The following PKDREJ variants were observed in gnomAD, a reference collection of about 807,000 sequenced individuals.
PKDREJ encodes the protein PKD and REJ homolog.
For synonymous variants in PKDREJ, 1,031 were observed against 1,095.5 expected, an observed-to-expected ratio of 0.94 and a Z score of 1.16; for missense variants, 2,507 against 2,807.2, an observed-to-expected ratio of 0.89 and a Z score of 2.42.
rs1936678629 is a variant in PKDREJ, at chr22:46,260,075, G to A, written c.3248C>T (p.Ala1083Val). 11 of 1,613,978 alleles carry A rather than the reference G, an allele frequency of 6.8e-6. No homozygotes were observed. Among genetic ancestry groups the A allele is most frequent in the Non-Finnish European group, 9.3e-6 (11 of 1,179,980 alleles). ...ATTGAGCTTCATGACAAAACGAGGT[G>A]CCTGCAGAACTATGGATACAGTACA... ...PHCTVSIVLQ[A>V]PRFVMKLNDK... The change falls in exon 1 of 1, where the codon GCA (alanine) becomes GTA (valine). Residue 1083 changes from alanine to valine, a missense_variant. Ala to Val is a moderately conservative substitution (Grantham distance 64, BLOSUM62 0). Transcript: ENST00000253255. This position sits in a 1 kb window ranked among gnomAD's most constrained non-coding sequence, Gnocchi z 4.5.
chr22:46,262,593 A>G lies in PKDREJ; in HGVS notation c.730T>C (p.Ser244Pro). The G allele has an allele frequency of 2.5e-6, 4 of 1,611,440 alleles. No individual in the cohort carries two copies. The highest frequency in any genetic ancestry group is 3.4e-6 in the Non-Finnish European group (4 of 1,179,172). ...GCGGCCGGGCAGTCCAGCTGCACCG[A>G]GGCGTTGATGGTGGCCTCCGCCTGC... ...SMQAEATINASVQLDCPAARA... is the reference protein window; with the variant it reads ...SMQAEATINAPVQLDCPAARA... Residue 244 changes from serine to proline, a missense_variant, in exon 1 of 1, where the codon TCG becomes CCG. Ser to Pro is a moderately conservative substitution (Grantham distance 74). Transcript: ENST00000253255. This position sits in a 1 kb window ranked among gnomAD's most constrained non-coding sequence, Gnocchi z 8.1.
rs1229355986 is a variant in PKDREJ at position 46,260,236 on chromosome 22, C to A, written c.3087G>T (p.Leu1029=). The part of the protein sequence containing the change: ...ITPTALVATF[L]VPHDIPPFAS... ...CAAATGGAGGGATGTCATGAGGCAC[C>A]AGGAAGGTGGCGACCAGCGCTGTGG... Residue 1029 remains leucine (L), a synonymous_variant, in exon 1 of 1, where the codon CTG becomes CTT. Coordinates refer to ENST00000253255, the MANE Select transcript of PKDREJ (RefSeq NM_006071.2). The surrounding 1 kb of genome is among the most constrained non-coding windows in gnomAD (Gnocchi z 4.5). 1.9e-6 allele frequency: 3 copies of A among 1,614,054 alleles called. No homozygotes were observed. The African/African-American group carries it at 4.0e-5, about 22-fold the overall frequency.
In PKDREJ at chr22:46,258,549, A is replaced by T; in HGVS notation, c.4774T>A (p.Ser1592Thr). Residue 1592 changes from serine to threonine, a missense_variant, in exon 1 of 1, where the codon TCA (serine) becomes ACA (threonine). Physicochemically the swap from Ser to Thr is moderately conservative, Grantham distance 58. Coordinates refer to ENST00000253255, the MANE Select transcript of PKDREJ (RefSeq NM_006071.2). This position sits in a 1 kb window ranked among gnomAD's most constrained non-coding sequence, Gnocchi z 6.1. ...FLVFATSSIS[S>T]FFIVFYGLTY... is the part of the protein sequence containing the mutation. ...AGTCCATAAAATACAATGAAGAATG[A>T]GGATATGCTAGAAGTAGCAAAAACC... The T allele has an allele frequency of 6.2e-7, 1 of 1,614,234 alleles. No individual in the cohort carries two copies. Among genetic ancestry groups the T allele is most frequent in the African/African-American group, 1.3e-5 (1 of 75,072 alleles).
Position 46,257,013 on chromosome 22 carries a change from T to C in PKDREJ, c.6310A>G (p.Met2104Val). The change falls in exon 1 of 1, where the codon ATG becomes GTG. Residue 2104 changes from methionine (M) to valine (V), a missense_variant. Coordinates refer to ENST00000253255, the MANE Select transcript of PKDREJ (RefSeq NM_006071.2). This position sits in a 1 kb window ranked among gnomAD's most constrained non-coding sequence, Gnocchi z 4.7. ...FVVSVYFFVYMAFGYLVFGQH... is the reference protein window; with the variant it reads ...FVVSVYFFVYVAFGYLVFGQH... ...CCAAACACCAGGTAACCAAAAGCCA[T>C]GTATACGAAGAAATACACGGACACA... 1.2e-6 allele frequency: 2 copies of C among 1,613,944 alleles called. No homozygotes were observed. The highest frequency in any genetic ancestry group is 8.5e-7 in the Non-Finnish European group (1 of 1,180,004).
At position 46,256,322 on chromosome 22, in the gene PKDREJ, A is replaced by G. The variant is rs576445561; in HGVS notation, c.*239T>C. 29 of 570,716 alleles carry G rather than the reference A, an allele frequency of 5.1e-5. No individual in the cohort carries two copies. The African/African-American group carries it at 5.5e-4, about 11-fold the overall frequency. The allele number at this position is 570,716 out of a possible 1,614,324, so 35.4% of individuals were successfully genotyped here. A position where few individuals can be genotyped will look rare whatever the true frequency, so the allele number is the denominator to read the frequency against. On this transcript the variant is annotated 3_prime_UTR_variant, in exon 1 of 1. Transcript: ENST00000253255. The surrounding 1 kb of genome is among the most constrained non-coding windows in gnomAD (Gnocchi z 5.3). The stretch of plus-strand genomic sequence containing the variant: ...CATAACTCCCCTCTAAAGGGAAATC[A>G]GTCCAGGAATCCCACACTGTGATCC...
Position 46,262,778 on chromosome 22 carries a change from T to A in PKDREJ, c.545A>T (p.Glu182Val). 6.4e-7 allele frequency: 1 copy of A among 1,553,612 alleles called. No homozygotes were observed. Among genetic ancestry groups the A allele is most frequent in the South Asian group, 1.2e-5 (1 of 82,756 alleles). ...RPQQGFVART[E>V]CPTDGPARVM... ...GCGCGCGGGGCCGTCTGTGGGGCAC[T>A]CGGTGCGGGCCACGAAGCCCTGCTG... The change falls in exon 1 of 1, where the codon GAG becomes GTG. Residue 182 changes from glutamate (E) to valine (V), a missense_variant. By Grantham distance (121) the Glu-to-Val change is moderately radical (BLOSUM62 -2). Coordinates refer to ENST00000253255, the MANE Select transcript of PKDREJ (RefSeq NM_006071.2). The surrounding 1 kb of genome is among the most constrained non-coding windows in gnomAD (Gnocchi z 8.1).
Position 46,262,323 on chromosome 22 carries a change from T to G in PKDREJ, c.1000A>C (p.Ser334Arg). ...CCAAGCATCACCGCCTGCAGGGAACTCCTGACGATCCAGACATAGACGGCG... is the reference window on the plus strand; with the variant it reads ...CCAAGCATCACCGCCTGCAGGGAACGCCTGACGATCCAGACATAGACGGCG... ...SDAVYVWIVR[S>R]SLQAVMLGDA... The change falls in exon 1 of 1, where the codon AGT becomes CGT. Residue 334 changes from serine to arginine, a missense_variant. Coordinates refer to ENST00000253255, the MANE Select transcript of PKDREJ (RefSeq NM_006071.2). This position sits in a 1 kb window ranked among gnomAD's most constrained non-coding sequence, Gnocchi z 8.1. 6.2e-7 allele frequency: 1 copy of G among 1,614,174 alleles called. No homozygotes were observed. Among genetic ancestry groups the G allele is most frequent in the Non-Finnish European group, 8.5e-7 (1 of 1,180,032 alleles).
At position 46,262,713 on chromosome 22, in the gene PKDREJ, C is replaced by T. The variant is rs1304020096; in HGVS notation, c.610G>A (p.Val204Ile). Residue 204 changes from valine (V) to isoleucine (I), a missense_variant, in exon 1 of 1, where the codon GTC (valine) becomes ATC (isoleucine). Coordinates refer to ENST00000253255, the MANE Select transcript of PKDREJ (RefSeq NM_006071.2). This position sits in a 1 kb window ranked among gnomAD's most constrained non-coding sequence, Gnocchi z 8.1. ...ATCTGACAGGACACGGACGACTCGA[C>T]GGCTCTGTGGCTGGACGAGTTGACG... ...QAVNSSSHRA[V>I]ESSVSCQINA... The T allele has an allele frequency of 2.5e-6, 4 of 1,612,148 alleles. No homozygotes were observed. Among genetic ancestry groups the T allele is most frequent in the Non-Finnish European group, 3.4e-6 (4 of 1,179,442 alleles).
Position 46,256,940 on chromosome 22 carries a change from ACTGT to A in PKDREJ, c.6379_6382del (p.Thr2127TyrfsTer31). On this transcript the variant is annotated frameshift_variant, in exon 1 of 1. Coordinates refer to ENST00000253255, the MANE Select transcript of PKDREJ (RefSeq NM_006071.2). LOFTEE classifies it low-confidence loss of function (END_TRUNC). The surrounding 1 kb of genome is among the most constrained non-coding windows in gnomAD (Gnocchi z 5.3). ...GAAAGCTGAGACACAATAGGAAAAT[ACTGT>A]CTGAGTGGAATGAATCAAGTTACTG... 6.2e-7 allele frequency: 1 copy of A among 1,613,912 alleles called. No individual in the cohort carries two copies. Among genetic ancestry groups the A allele is most frequent in the Non-Finnish European group, 8.5e-7 (1 of 1,179,892 alleles).
chr22:46,259,021 G>C lies in PKDREJ; in HGVS notation c.4302C>G (p.Val1434=). Residue 1434 remains valine, a synonymous_variant, in exon 1 of 1, where the codon GTC becomes GTG. Transcript: ENST00000253255. The surrounding 1 kb of genome is among the most constrained non-coding windows in gnomAD (Gnocchi z 6.8). ...MRSMMIGIES[V]LITIPVQLLI... is the part of the protein sequence containing the mutation. ...ATAATTGCACAGGGATTGTAATTAAGACACTTTCAATTCCTATCATCATTG... is the reference window on the plus strand; with the variant it reads ...ATAATTGCACAGGGATTGTAATTAACACACTTTCAATTCCTATCATCATTG... 6.2e-7 allele frequency: 1 copy of C among 1,613,952 alleles called. No homozygotes were observed. The highest frequency in any genetic ancestry group is 8.5e-7 in the Non-Finnish European group (1 of 1,179,906).
rs761605030 is a variant in PKDREJ, at chr22:46,262,742, T to C, written c.581A>G (p.Gln194Arg). The C allele has an allele frequency of 2.1e-5, 34 of 1,601,744 alleles. No homozygotes were observed. The highest frequency in any genetic ancestry group is 2.9e-5 in the Non-Finnish European group (34 of 1,174,896). Reference protein sequence around the residue: ...PTDGPARVMLQAVNSSSHRAV... With the variant: ...PTDGPARVMLRAVNSSSHRAV... ...TCTGTGGCTGGACGAGTTGACGGCC[T>C]GCAACATCACGCGCGCGGGGCCGTC... Residue 194 changes from glutamine to arginine, a missense_variant, in exon 1 of 1, where the codon CAG (glutamine) becomes CGG (arginine). By Grantham distance (43) the Gln-to-Arg change is conservative (BLOSUM62 1). Transcript: ENST00000253255. This position sits in a 1 kb window ranked among gnomAD's most constrained non-coding sequence, Gnocchi z 8.1.
In PKDREJ at chr22:46,262,738, G is replaced by A; in HGVS notation, c.585C>T (p.Ala195=). 6.2e-7 allele frequency: 1 copy of A among 1,604,748 alleles called. No individual in the cohort carries two copies. The highest frequency in any genetic ancestry group is 8.5e-7 in the Non-Finnish European group (1 of 1,176,238). Residue 195 remains alanine, a synonymous_variant, in exon 1 of 1, where the codon GCC becomes GCT. Transcript: ENST00000253255. The surrounding 1 kb of genome is among the most constrained non-coding windows in gnomAD (Gnocchi z 8.1). ...CGGCTCTGTGGCTGGACGAGTTGAC[G>A]GCCTGCAACATCACGCGCGCGGGGC... ...TDGPARVMLQ[A]VNSSSHRAVE...
rs780008622 is a variant in PKDREJ at position 46,262,344 on chromosome 22, C to G, written c.979G>C (p.Val327Leu). 6.2e-7 allele frequency: 1 copy of G among 1,614,086 alleles called. No homozygotes were observed. The highest frequency in any genetic ancestry group is 8.5e-7 in the Non-Finnish European group (1 of 1,180,044). The change falls in exon 1 of 1, where the codon GTC (valine) becomes CTC (leucine). Residue 327 changes from valine to leucine, a missense_variant. By Grantham distance (32) the Val-to-Leu change is conservative (BLOSUM62 1). Coordinates refer to ENST00000253255, the MANE Select transcript of PKDREJ (RefSeq NM_006071.2). This position sits in a 1 kb window ranked among gnomAD's most constrained non-coding sequence, Gnocchi z 8.1. ...KMPEVKDSDA[V>L]YVWIVRSSLQ... ...GAACTCCTGACGATCCAGACATAGA[C>G]GGCGTCCGAGTCTTTCACCTCGGGC...
Position 46,262,674 on chromosome 22 carries a change from T to C in PKDREJ, c.649A>G (p.Ile217Val), listed in dbSNP as rs1032320209. Residue 217 changes from isoleucine (I) to valine (V), a missense_variant, in exon 1 of 1, where the codon ATC becomes GTC. Ile to Val is a conservative substitution (Grantham distance 29). Transcript: ENST00000253255. The surrounding 1 kb of genome is among the most constrained non-coding windows in gnomAD (Gnocchi z 8.1). The part of the protein sequence containing the change: ...SVSCQINACV[I>V]QRVRINTDQK... The stretch of plus-strand genomic sequence containing the variant: ...TCCGTGTTGATCCTCACGCGCTGGA[T>C]GACGCAGGCGTTTATCTGACAGGAC... 6.8e-5 allele frequency: 110 copies of C among 1,613,238 alleles called. No homozygotes were observed. The highest frequency in any genetic ancestry group is 9.0e-5 in the Non-Finnish European group (106 of 1,179,784).
In PKDREJ at chr22:46,259,594, C is replaced by T. The variant is rs1161191472; in HGVS notation, c.3729G>A (p.Gly1243=). Residue 1243 remains glycine, a synonymous_variant, in exon 1 of 1, where the codon GGG becomes GGA. Coordinates refer to ENST00000253255, the MANE Select transcript of PKDREJ (RefSeq NM_006071.2). The surrounding 1 kb of genome is among the most constrained non-coding windows in gnomAD (Gnocchi z 6.8). ...LVTIFTGSRW[G]SGTRANVFVQ... ...CAAAGACATTGGCCCTGGTCCCAGA[C>T]CCCCAACGACTTCCTGTAAAAATAG... is the stretch of plus-strand genomic sequence containing the variant. 6.2e-7 allele frequency: 1 copy of T among 1,614,158 alleles called. No individual in the cohort carries two copies. The highest frequency in any genetic ancestry group is 1.1e-5 in the South Asian group (1 of 91,082).
chr22:46,258,229 T>G lies in PKDREJ; in HGVS notation c.5094A>C (p.Lys1698Asn), dbSNP rs1442943845. Residue 1698 changes from lysine (K) to asparagine (N), a missense_variant, in exon 1 of 1, where the codon AAA becomes AAC. Lys to Asn is a moderately conservative substitution (Grantham distance 94). Transcript: ENST00000253255. This position sits in a 1 kb window ranked among gnomAD's most constrained non-coding sequence, Gnocchi z 6.1. The part of the protein sequence containing the change: ...PLTEDEIRIF[K>N]RKKRIKRRAL... ...CTCTTCTCTTGATCCTCTTCTTTCTTTTGAATATTCTGATTTCATCTTCTG... is the reference window on the plus strand; with the variant it reads ...CTCTTCTCTTGATCCTCTTCTTTCTGTTGAATATTCTGATTTCATCTTCTG... 1 of 1,614,206 alleles carries G rather than the reference T, an allele frequency of 6.2e-7. No individual in the cohort carries two copies. The highest frequency in any genetic ancestry group is 8.5e-7 in the Non-Finnish European group (1 of 1,180,010).
At position 46,256,434 on chromosome 22, in the gene PKDREJ, G is replaced by A; in HGVS notation, c.*127C>T. ...AGATTGGGGATTCTTCCAAATGTAGGGGATGTGCCTTGTGAAGGACATGAG... is the reference window on the plus strand; with the variant it reads ...AGATTGGGGATTCTTCCAAATGTAGAGGATGTGCCTTGTGAAGGACATGAG... On this transcript the variant is annotated 3_prime_UTR_variant, in exon 1 of 1. Coordinates refer to ENST00000253255, the MANE Select transcript of PKDREJ (RefSeq NM_006071.2). The surrounding 1 kb of genome is among the most constrained non-coding windows in gnomAD (Gnocchi z 5.3). The A allele has an allele frequency of 6.9e-7, 1 of 1,459,016 alleles. No individual in the cohort carries two copies. The allele number at this position is 1,459,016 out of a possible 1,614,324, so 90.4% of individuals were successfully genotyped here.
chr22:46,256,473 T>G lies in PKDREJ; in HGVS notation c.*88A>C. The G allele has an allele frequency of 6.6e-7, 1 of 1,518,138 alleles. No homozygotes were observed. The highest frequency in any genetic ancestry group is 2.1e-5 in the Admixed American group (1 of 47,210). The allele number at this position is 1,518,138 out of a possible 1,614,324, so 94.0% of individuals were successfully genotyped here. On this transcript the variant is annotated 3_prime_UTR_variant, in exon 1 of 1. Transcript: ENST00000253255. The surrounding 1 kb of genome is among the most constrained non-coding windows in gnomAD (Gnocchi z 5.3). ...GAAGGACATGAGTAGAAAGCATGACTAGGCCACTGACACTCCCTAATCCCC... is the reference window on the plus strand; with the variant it reads ...GAAGGACATGAGTAGAAAGCATGACGAGGCCACTGACACTCCCTAATCCCC...
At position 46,259,190 on chromosome 22, in the gene PKDREJ, C is replaced by A. The variant is rs778225208; in HGVS notation, c.4133G>T (p.Ser1378Ile). 8 of 1,613,832 alleles carry A rather than the reference C, an allele frequency of 5.0e-6. No homozygotes were observed. In the South Asian group the frequency reaches 6.6e-5, roughly 13 times the overall value. The change falls in exon 1 of 1, where the codon AGT (serine) becomes ATT (isoleucine). Residue 1378 changes from serine to isoleucine, a missense_variant. Ser to Ile is a moderately radical substitution (Grantham distance 142). Transcript: ENST00000253255. The surrounding 1 kb of genome is among the most constrained non-coding windows in gnomAD (Gnocchi z 6.8). ...KNHMWFSIFASVVAKTFNRLQ... is the reference protein window; with the variant it reads ...KNHMWFSIFAIVVAKTFNRLQ... Reference sequence around the variant, plus strand: ...CCTATTGAATGTTTTAGCAACAACACTAGCAAAAATAGAGAACCACATGTG... The same window carrying A: ...CCTATTGAATGTTTTAGCAACAACAATAGCAAAAATAGAGAACCACATGTG...
Sources: allele counts gnomAD v4.1 joint callset, GRCh38; gene constraint gnomAD v4.1.1; non-coding constraint Gnocchi (gnomAD v3.1); transcripts MANE v1.5; gene names NCBI Gene and HGNC (gene_info 2026-07-23, HGNC 2026-07-21).